ARMC9: variants seen among roughly 807,000 people sequenced by gnomAD.
The protein encoded by ARMC9 is lisH domain-containing protein ARMC9.
In ARMC9, 94 loss-of-function variants were observed where a neutral mutation model predicts 107.0. The ratio of observed to expected loss-of-function variants is 0.88; its 90% confidence interval spans 0.74 to 1.04. The LOEUF is 1.04. ARMC9 is among the 50% of genes least tolerant of loss of function. ARMC9 has a pLI of 0.00. For missense variants in ARMC9, 942 were observed against 1,030.1 expected (o/e 0.91, Z 1.17); for synonymous variants, 380 against 396.9 (o/e 0.96, Z 0.51).
At chr2:231,226,491 A>G (rs561890785) in intron 6 of ARMC9, among the ~76,000 whole-genome samples, 1 of 152,282 alleles carries the variant, frequency 6.6e-6, no homozygotes, top group African/African-American at 2.4e-5. Context: ...GGAAGGGGAT[A>G]GGAAGGGGAT....
At position 231,375,217 on chromosome 2, in the gene ARMC9, C is replaced by T. The variant is rs1297833397; in HGVS notation, c.*3682C>T. 2.0e-5 allele frequency among the ~76,000 whole-genome samples: 3 copies of T among 152,222 alleles called. No individual in the cohort carries two copies. Among genetic ancestry groups the T allele is most frequent in the Admixed American group, 6.5e-5 (1 of 15,286 alleles). ...TCAGAGGGCAGTCAGGGGCTTCGCT[C>T]ATGTCTGGTAGTTGGCTGTTGGCTG... On this transcript the variant is annotated 3_prime_UTR_variant, in exon 25 of 25. Coordinates refer to ENST00000611582, the MANE Select transcript of ARMC9 (RefSeq NM_001352754.2). This position sits in a 1 kb window ranked among gnomAD's most constrained non-coding sequence, Gnocchi z 4.3.
intron 17 of ARMC9, among the ~76,000 whole-genome samples, chr2:231,283,036 A>C (rs577529489): frequency 6.6e-6 from 1 of 152,056 alleles, no homozygotes; most frequent in East Asian, 1.9e-4. Flanking sequence ...TGCAGCATGG[A>C]GGAAAGGCAC....
In ARMC9 at chr2:231,371,648, G is replaced by C. The variant is rs1254706979; in HGVS notation, c.*113G>C. On this transcript the variant is annotated 3_prime_UTR_variant, in exon 25 of 25. Transcript: ENST00000611582. ...AAGGGACAGTTGTCCACAAGACTCT[G>C]GGAGCTGAGGGGAGGCCGGCTCTCC... The C allele has an allele frequency of 9.4e-7, 1 of 1,060,794 alleles. No homozygotes were observed. The highest frequency in any genetic ancestry group is 1.6e-5 in the African/African-American group (1 of 60,676). 65.7% of individuals were successfully genotyped at this position (1,060,794 alleles called of 1,614,324 possible).
intron 16 of ARMC9, 48 bp downstream of exon 16, chr2:231,278,506 G>A (rs1245467657): frequency 1.3e-6 from 2 of 1,564,230 alleles, no homozygotes; most frequent in East Asian, 2.2e-5. Flanking sequence ...GCTACACTGG[G>A]GACCCAATGC....
At chr2:231,285,650 A>C (rs2040538718) in intron 17 of ARMC9, among the ~76,000 whole-genome samples, 1 of 151,836 alleles carries the variant, frequency 6.6e-6, no homozygotes, top group African/African-American at 2.4e-5. Flanking sequence ...CGTCTCAAAA[A>C]AAAAAAAGAC....
chr2:231,218,644 C>T (rs988474345), intron 5 of ARMC9, among the ~76,000 whole-genome samples: 2 of 152,236 alleles, frequency 1.3e-5, no homozygotes, highest in Admixed American at 1.3e-4. Context: ...AATGACCTTC[C>T]GTATTCATGG....
At chr2:231,334,523 A>G (rs1184261085) in intron 20 of ARMC9, among the ~76,000 whole-genome samples, 1 of 152,148 alleles carries the variant, frequency 6.6e-6, no homozygotes, top group African/African-American at 2.4e-5. Context: ...TATTACATCT[A>G]CAAGGGTCTT....
chr2:231,209,977 C>T (rs376292489), intron 3 of ARMC9, among the ~76,000 whole-genome samples: 3 of 152,250 alleles, frequency 2.0e-5, no homozygotes, highest in East Asian at 1.9e-4. Context: ...AGCCACTGCA[C>T]CTGGCCTTAT....
chr2:231,199,298 TGA>T (rs2030338339), intron 1 of ARMC9, among the ~76,000 whole-genome samples: 1 of 152,244 alleles, frequency 6.6e-6, no homozygotes, highest in Non-Finnish European at 1.5e-5. Flanking sequence ...TTCTCAAACT[TGA>T]GAGTGTGTAA....
intron 23 of ARMC9, among the ~76,000 whole-genome samples, chr2:231,366,015 G>A (rs1183265486): frequency 6.6e-6 from 1 of 152,100 alleles, no homozygotes; most frequent in Non-Finnish European, 1.5e-5. Context: ...AGGGAGAGGG[G>A]GACAGGCTTA....
chr2:231,299,264 T>C (rs2041573957), intron 19 of ARMC9, among the ~76,000 whole-genome samples: 1 of 152,132 alleles, frequency 6.6e-6, no homozygotes, highest in Non-Finnish European at 1.5e-5. Flanking sequence ...AAAAAGGAAA[T>C]CATAAAGTAA....
chr2:231,259,007 C>G lies in ARMC9; in HGVS notation c.931C>G (p.Pro311Ala), dbSNP rs758301318. ...GCTGAGTAGGAAATTGAAGGATGTC[C>G]CATTACTGCCCTCCTTGGATTATGA... The part of the protein sequence containing the change: ...SLAPVKLKDV[P>A]LLPSLDYEKL... Residue 311 changes from proline to alanine, a missense_variant, in exon 11 of 25, where the codon CCA becomes GCA. Transcript: ENST00000611582. 1.2e-6 allele frequency: 2 copies of G among 1,613,300 alleles called. No homozygotes were observed. The highest frequency in any genetic ancestry group is 1.7e-6 in the Non-Finnish European group (2 of 1,179,448).
chr2:231,294,852 CAG>C (rs2041251771), intron 18 of ARMC9: 1 of 152,254 alleles, frequency 6.6e-6, no homozygotes, highest in African/African-American at 2.4e-5. Flanking sequence ...CATGCCTGCA[CAG>C]TAGCTTTCTA....
chr2:231,322,951 A>G (rs1437800653), intron 19 of ARMC9, among the ~76,000 whole-genome samples: 1 of 152,194 alleles, frequency 6.6e-6, no homozygotes, highest in Non-Finnish European at 1.5e-5. Flanking sequence ...AGCTCAGACA[A>G]GTTAGCACAG....
chr2:231,329,171 A>T (rs530325022), intron 19 of ARMC9, among the ~76,000 whole-genome samples: 6 of 151,868 alleles, frequency 4.0e-5, no homozygotes, highest in Non-Finnish European at 7.4e-5. Context: ...GAATAATCTT[A>T]CTTATGACTA....
intron 17 of ARMC9, among the ~76,000 whole-genome samples, chr2:231,287,501 C>T (rs2040678451): frequency 6.6e-6 from 1 of 152,220 alleles, no homozygotes; most frequent in African/African-American, 2.4e-5. Context: ...AGCCTAGTCA[C>T]TGTATTCCGT....
At chr2:231,228,605 T>C (rs1317464422) in intron 7 of ARMC9, among the ~76,000 whole-genome samples, 1 of 152,212 alleles carries the variant, frequency 6.6e-6, no homozygotes, top group African/African-American at 2.4e-5. Flanking sequence ...TTCTGCTGCA[T>C]TCTGTTTCTT....
rs1056791541 is a variant in ARMC9, at chr2:231,319,625, C to T, written c.1774-12168C>T. ...TCATCTTCCAGATGGTGTCTACACA[C>T]TGTGGCTCATCGTTCTGGAAGTCAC... On this transcript the variant is annotated intron_variant, in intron 19 of 24. Transcript: ENST00000611582. Among the ~76,000 whole-genome samples, 11 of 152,176 alleles carry T rather than the reference C, an allele frequency of 7.2e-5. 1 individual carries two copies. The highest frequency in any genetic ancestry group is 2.7e-4 in the African/African-American group (11 of 41,434).
At chr2:231,291,893 G>A (rs1038552220) in intron 18 of ARMC9, among the ~76,000 whole-genome samples, 2 of 151,932 alleles carry the variant, frequency 1.3e-5, no homozygotes, top group East Asian at 1.9e-4. Flanking sequence ...GGTAGGCTGA[G>A]CGTGGTGGTT....
Sources: gnomAD v4.1 joint callset for allele counts (sites outside exome capture counted in the v4.1 genomes callset) on GRCh38, gnomAD v4.1.1 for gene constraint, Gnocchi (gnomAD v3.1) non-coding constraint, MANE v1.5 for transcripts, NCBI Gene and HGNC (gene_info 2026-07-23, HGNC 2026-07-21) for gene names.